Variants in ADGRG2 observed in about 807,000 individuals in gnomAD.
ADGRG2 encodes the protein G protein-coupled receptor 64.
In ADGRG2, 26 loss-of-function variants were observed where a neutral mutation model predicts 74.1. The ratio of observed to expected loss-of-function variants is 0.35; its 90% CI spans 0.26 to 0.49. ADGRG2 has a LOEUF of 0.49. Ranked by LOEUF, ADGRG2 falls within the 20% of genes least tolerant of loss-of-function variation. ADGRG2 has a pLI of 0.99. For synonymous variants in ADGRG2, 296 were observed against 295.2 expected, an observed-to-expected ratio of 1.00 and a Z score of -0.03; for missense variants, 619 against 763.1, an observed-to-expected ratio of 0.81 and a Z score of 2.22.
chrX:19,018,612 C>T (rs2060519425), intron 15 of ADGRG2, among the ~76,000 whole-genome samples: 1 of 111,428 alleles, frequency 9.0e-6, no homozygotes, highest in Admixed American at 9.7e-5. Flanking sequence ...GTGTTAACAT[C>T]TAACATCCAG....
At chrX:19,085,831 C>T (rs1490056910) in intron 1 of ADGRG2, among the ~76,000 whole-genome samples, 1 of 110,935 alleles carries the variant, frequency 9.0e-6, no homozygotes, top group African/African-American at 3.3e-5. Context: ...GAACAGAGCT[C>T]CTCCATCAAG....
chrX:19,004,661 G>C, intron 23 of ADGRG2, 97 bp downstream of exon 23: 3 of 861,215 alleles, frequency 3.5e-6, no homozygotes, highest in Non-Finnish European at 5.0e-6. Flanking sequence ...TGGGTGTACA[G>C]GGTAAGGCAG....
chrX:19,105,927 C>CAAAAAAAAAAA (rs748026875), intron 1 of ADGRG2, among the ~76,000 whole-genome samples: 2 of 29,987 alleles, frequency 6.7e-5, no homozygotes, highest in African/African-American at 2.6e-4. Flanking sequence ...GACTCTGTCT[C>CAAAAAAAAAAA]AAAAAAAAAA....
intron 2 of ADGRG2, among the ~76,000 whole-genome samples, chrX:19,077,334 T>TA (rs34976230): frequency 0.019 from 749 of 38,577 alleles, 27 homozygotes; most frequent in East Asian, 0.036. Context: ...CTGTCTCTAC[T>TA]AAAAAAAAAA....
At chrX:19,043,820 G>A (rs1270180480) in intron 3 of ADGRG2, among the ~76,000 whole-genome samples, 1 of 108,387 alleles carries the variant, frequency 9.2e-6, no homozygotes, top group Non-Finnish European at 1.9e-5. Context: ...ATGGCCAAGT[G>A]TGGTTCGAGC....
chrX:19,019,780 T>C, intron 14 of ADGRG2, 115 bp from the exon 15 acceptor site: 1 of 463,487 alleles, frequency 2.2e-6, no homozygotes, highest in Non-Finnish European at 3.9e-6. Context: ...AAAGAGCAAT[T>C]GTCTAAAACA....
rs769751503 is a variant in ADGRG2, at chrX:19,109,308, T to C, written c.-47+13134A>G. On this transcript the variant is annotated intron_variant, in intron 1 of 28. Coordinates refer to ENST00000379869, the MANE Select transcript of ADGRG2 (RefSeq NM_001079858.3). ...GGTTTCTCCAAATACCCCAAAAACA[T>C]GTGGTATATTTCTGTCAAAAAGCGA... is the stretch of plus-strand genomic sequence containing the variant. Among the ~76,000 whole-genome samples the C allele has an allele frequency of 3.2e-3, 353 of 111,730 alleles. 2 individuals carry two copies. The highest frequency in any genetic ancestry group is 8.9e-3 in the African/African-American group (275 of 30,791).
chrX:19,013,826 G>C lies in ADGRG2; in HGVS notation c.959C>G (p.Pro320Arg), dbSNP rs1313815722. The change falls in exon 16 of 29, where the codon CCA becomes CGA. Residue 320 changes from proline (P) to arginine (R), a missense_variant. Physicochemically the swap from Pro to Arg is moderately radical, Grantham distance 103 (BLOSUM62 -2). Coordinates refer to ENST00000379869, the MANE Select transcript of ADGRG2 (RefSeq NM_001079858.3). The stretch of plus-strand genomic sequence containing the variant: ...AGGGGAAGAGATCGTTTCAGACTGT[G>C]GGGGCATGTCAATGGCAGGGCTGGA... ...IASSPAIDMPPQSETISSPMP... is the reference protein window; with the variant it reads ...IASSPAIDMPRQSETISSPMP... 1.7e-6 allele frequency: 2 copies of C among 1,205,720 alleles called. No individual in the cohort carries two copies. Among genetic ancestry groups the C allele is most frequent in the Admixed American group, 4.4e-5 (2 of 45,671 alleles).
At chrX:19,116,506 C>CAAAAAA (rs10677696) in intron 1 of ADGRG2, among the ~76,000 whole-genome samples, 11 of 24,001 alleles carry the variant, frequency 4.6e-4, no homozygotes, top group Non-Finnish European at 8.1e-4. Context: ...GATTCCGTCT[C>CAAAAAA]AAAAAAAAAA....
chrX:19,064,931 G>A (rs1458756577), intron 3 of ADGRG2, among the ~76,000 whole-genome samples: 2 of 110,966 alleles, frequency 1.8e-5, no homozygotes, highest in African/African-American at 6.6e-5. Context: ...ATTTGTAAGG[G>A]CTTAGAACAG....
At position 19,091,411 on chromosome X, in the gene ADGRG2, T is replaced by C. The variant is rs769805892; in HGVS notation, c.-46-8665A>G. On this transcript the variant is annotated intron_variant, in intron 1 of 28. Transcript: ENST00000379869. ...TTTAGCTCTCCATTCTCAAACATTG[T>C]TCTGAAGGTCTGAGCAATTCAGTAA... Among the ~76,000 whole-genome samples the C allele has an allele frequency of 1.2e-4, 13 of 110,036 alleles. No homozygotes were observed. The Admixed American group carries it at 1.3e-3, about 11-fold the overall frequency.
chrX:19,071,993 C>T (rs1280124841), intron 2 of ADGRG2, among the ~76,000 whole-genome samples: 2 of 109,874 alleles, frequency 1.8e-5, no homozygotes, highest in Non-Finnish European at 3.8e-5. Context: ...TGGTTTATTT[C>T]TGGAAAGGAA....
At chrX:19,088,556 G>A (rs751949097) in intron 1 of ADGRG2, among the ~76,000 whole-genome samples, 11 of 111,219 alleles carry the variant, frequency 9.9e-5, no homozygotes, top group African/African-American at 3.3e-4. Flanking sequence ...GTGCAGTGGC[G>A]CAATTACTGC....
rs376506183 is a variant in ADGRG2 at position 19,106,177 on chromosome X, G to GCAAGAGCTGGGA, written c.-47+16264_-47+16265insTCCCAGCTCTTG. ...CCGGTCTGAATTATCCCACTTGAGG[G>GCAAGAGCTGGGA]TATGGATCCACTGACTTGCATCAGG... On this transcript the variant is annotated intron_variant, in intron 1 of 28. Transcript: ENST00000379869. 2.7e-5 allele frequency among the ~76,000 whole-genome samples: 3 copies of GCAAGAGCTGGGA among 110,557 alleles called. No homozygotes were observed. In the Admixed American group the frequency reaches 2.9e-4, roughly 11 times the overall value.
intron 15 of ADGRG2, among the ~76,000 whole-genome samples, chrX:19,017,520 C>G (rs1189069535): frequency 8.9e-6 from 1 of 111,834 alleles, no homozygotes; most frequent in Non-Finnish European, 1.9e-5. Context: ...TCTTCTGATC[C>G]GATCCCAATG....
chrX:19,070,321 C>T (rs778010639), intron 2 of ADGRG2, among the ~76,000 whole-genome samples: 1 of 112,532 alleles, frequency 8.9e-6, no homozygotes, highest in South Asian at 3.7e-4. Flanking sequence ...ATTCATTCAA[C>T]AAATATTTAT....
intron 1 of ADGRG2, among the ~76,000 whole-genome samples, chrX:19,086,949 A>G (rs890096858): frequency 9.0e-6 from 1 of 111,526 alleles, no homozygotes; most frequent in South Asian, 3.9e-4. Flanking sequence ...GGGGCCAGAG[A>G]GAAGGAAAGA....
At chrX:19,069,131 GT>G (rs1289830612) in intron 2 of ADGRG2, among the ~76,000 whole-genome samples, 1 of 111,990 alleles carries the variant, frequency 8.9e-6, no homozygotes, top group African/African-American at 3.2e-5. Flanking sequence ...AACACAAAAT[GT>G]TACATCATTA....
At chrX:19,063,008 T>TAAA (rs3056190) in intron 3 of ADGRG2, among the ~76,000 whole-genome samples, 26,152 of 96,118 alleles carry the variant, frequency 0.27, 3,063 homozygotes, top group East Asian at 0.39. Context: ...TTCAAAGATT[T>TAAA]AAAAAAAAAA....
Sources: gnomAD v4.1 joint callset for allele counts (sites outside exome capture counted in the v4.1 genomes callset) on GRCh38, gnomAD v4.1.1 for gene constraint, MANE v1.5 for transcripts, NCBI Gene and HGNC (gene_info 2026-07-23, HGNC 2026-07-21) for gene names.